SLC41A3: variants seen among roughly 807,000 people sequenced by gnomAD.
The protein encoded by SLC41A3 is solute carrier family 41 member 3.
A neutral mutation model predicts 45.4 loss-of-function variants in SLC41A3; 44 were observed. The observed-to-expected ratio is 0.97, with a 90% confidence interval of 0.76 to 1.25. SLC41A3 has a LOEUF of 1.25. SLC41A3 is among the 50% of genes most tolerant of loss of function. The pLI is 0.00. For synonymous variants in SLC41A3, 256 were observed against 252.4 expected, an observed-to-expected ratio of 1.01 and a Z score of -0.13; for missense variants, 550 against 600.6, an observed-to-expected ratio of 0.92 and a Z score of 0.88.
intron 1 of SLC41A3, among the ~76,000 whole-genome samples, chr3:126,076,682 C>T (rs757493125): frequency 4.6e-5 from 7 of 152,208 alleles, no homozygotes; most frequent in Non-Finnish European, 1.0e-4. Flanking sequence ...CTGATAACAA[C>T]TCATTCCTCC....
intron 9 of SLC41A3, 129 bp downstream of exon 9, chr3:126,012,486 A>T (rs1939816963): frequency 8.2e-7 from 1 of 1,226,922 alleles, no homozygotes; most frequent in African/African-American, 1.5e-5. Context: ...TGGGGCCCTG[A>T]AGGTGATGTG....
chr3:126,097,052 C>A (rs74803406), intron 1 of SLC41A3, among the ~76,000 whole-genome samples: 53 of 152,332 alleles, frequency 3.5e-4, no homozygotes, highest in African/African-American at 1.2e-3. Flanking sequence ...GAGACCCGAG[C>A]AAGCACGTGA....
intron 2 of SLC41A3, among the ~76,000 whole-genome samples, chr3:126,060,814 T>C (rs1031792530): frequency 2.0e-5 from 3 of 152,140 alleles, no homozygotes; most frequent in African/African-American, 7.2e-5. Context: ...GGTCCAGCGG[T>C]TTCTGTGTGA....
chr3:126,007,323 G>T lies in SLC41A3; in HGVS notation c.1255-98C>A. ...AGGCTCAAGGAGAGATACCAAGGTG[G>T]ACAGGTCAACCCCAGCCAGCCTCCT... On this transcript the variant is annotated intron_variant, in intron 10 of 10. Transcript: ENST00000360370. The T allele has an allele frequency of 2.2e-6, 3 of 1,348,992 alleles. No individual in the cohort carries two copies. In the Admixed American group the frequency reaches 6.1e-5, roughly 28 times the overall value. 83.6% of individuals were successfully genotyped at this position (1,348,992 alleles called of 1,614,324 possible). A position where few individuals can be genotyped will look rare whatever the true frequency, so the allele number is the denominator to read the frequency against.
At chr3:126,066,621 A>G (rs755149108) in intron 2 of SLC41A3, among the ~76,000 whole-genome samples, 33 of 152,224 alleles carry the variant, frequency 2.2e-4, no homozygotes, top group African/African-American at 3.1e-4. Flanking sequence ...TCCTACCACT[A>G]TGCGGGAGTT....
At chr3:126,012,830 C>A in intron 8 of SLC41A3, 81 bp from the exon 9 acceptor site, 1 of 1,568,216 alleles carries the variant, frequency 6.4e-7, no homozygotes, top group South Asian at 1.2e-5. Context: ...TTCCCTTCCT[C>A]CAGGAAGTCT....
At chr3:126,056,552 T>C in intron 2 of SLC41A3, 1 of 1,613,292 alleles carries the variant, frequency 6.2e-7, no homozygotes, top group Non-Finnish European at 8.5e-7. Context: ...GTGACCACCA[T>C]GGCCAGGCAA....
chr3:126,060,022 G>A (rs1007249267), intron 2 of SLC41A3, among the ~76,000 whole-genome samples: 1 of 152,204 alleles, frequency 6.6e-6, no homozygotes, highest in Non-Finnish European at 1.5e-5. Context: ...ATCAGCACAG[G>A]AGACGCAGAA....
chr3:126,097,810 C>T (rs1159525928), intron 1 of SLC41A3, among the ~76,000 whole-genome samples: 1 of 152,190 alleles, frequency 6.6e-6, no homozygotes, highest in South Asian at 2.1e-4. Context: ...AGGAGGCAAC[C>T]AAGCATTGCA....
At chr3:126,071,424 AG>A (rs1202171323) in intron 1 of SLC41A3, among the ~76,000 whole-genome samples, 3 of 152,326 alleles carry the variant, frequency 2.0e-5, no homozygotes, top group African/African-American at 7.2e-5. Flanking sequence ...GCAGAACTGA[AG>A]GAAGAAAAAG....
chr3:126,059,748 G>A (rs534086917), intron 2 of SLC41A3, among the ~76,000 whole-genome samples: 2 of 152,302 alleles, frequency 1.3e-5, no homozygotes, highest in East Asian at 3.9e-4. Context: ...GATTCTGAGA[G>A]AAGTGTTGCA....
chr3:126,042,241 A>T (rs1451644617), intron 3 of SLC41A3, among the ~76,000 whole-genome samples: 1 of 152,148 alleles, frequency 6.6e-6, no homozygotes, highest in Non-Finnish European at 1.5e-5. Context: ...GGAACACAAT[A>T]GAATGTCAAG....
intron 1 of SLC41A3, among the ~76,000 whole-genome samples, chr3:126,074,431 C>T (rs914910745): frequency 3.3e-5 from 5 of 151,938 alleles, no homozygotes; most frequent in Admixed American, 3.3e-4. Context: ...ACCTGAGGTT[C>T]TAGCCAGCAC....
At chr3:126,066,909 T>G (rs990309987) in intron 2 of SLC41A3, among the ~76,000 whole-genome samples, 1 of 152,184 alleles carries the variant, frequency 6.6e-6, no homozygotes, top group Non-Finnish European at 1.5e-5. Flanking sequence ...CCCACAGGTG[T>G]GTTGACTCAA....
Position 126,026,244 on chromosome 3 carries a change from A to T in SLC41A3, c.598+91T>A. On this transcript the variant is annotated intron_variant, in intron 5 of 10. Coordinates refer to ENST00000360370, the MANE Select transcript of SLC41A3 (RefSeq NM_017836.4). This position sits in a 1 kb window ranked among gnomAD's most constrained non-coding sequence, Gnocchi z 4.2. Reference sequence around the variant, plus strand: ...CAGTCCCATTAGCAGTGGGACTCACACCCCCAGAAACTGAAAACACAATGA... The same window carrying T: ...CAGTCCCATTAGCAGTGGGACTCACTCCCCCAGAAACTGAAAACACAATGA... The T allele has an allele frequency of 6.7e-7, 1 of 1,502,306 alleles. No individual in the cohort carries two copies. The highest frequency in any genetic ancestry group is 8.9e-7 in the Non-Finnish European group (1 of 1,119,132). The allele number at this position is 1,502,306 out of a possible 1,614,324, so 93.1% of individuals were successfully genotyped here.
chr3:126,022,691 T>C, intron 6 of SLC41A3, 95 bp downstream of exon 6: 1 of 1,469,258 alleles, frequency 6.8e-7, no homozygotes, highest in South Asian at 1.3e-5. Context: ...GCACATGGGC[T>C]GGGTGCAAAA....
At chr3:126,048,818 TA>T (rs1943134288) in intron 3 of SLC41A3, among the ~76,000 whole-genome samples, 1 of 152,122 alleles carries the variant, frequency 6.6e-6, no homozygotes, top group African/African-American at 2.4e-5. Flanking sequence ...GTGTCTCAAC[TA>T]GGGTCACAGC....
intron 4 of SLC41A3, 91 bp downstream of exon 4, chr3:126,033,516 G>A: frequency 7.1e-7 from 1 of 1,403,454 alleles, no homozygotes. Flanking sequence ...CCAGAGTGCA[G>A]GGACAAGAGC....
rs185115934 is a variant in SLC41A3 at position 126,079,663 on chromosome 3, G to A, written c.-28+4430C>T. The stretch of plus-strand genomic sequence containing the variant: ...AATGAAAATGACAATTTTACCCAAC[G>A]CAATTTACAGATTCAATGCAATCAC... On this transcript the variant is annotated intron_variant, in intron 1 of 10. Coordinates refer to ENST00000360370, the MANE Select transcript of SLC41A3 (RefSeq NM_017836.4). Among the ~76,000 whole-genome samples the A allele has an allele frequency of 2.7e-3, 411 of 152,266 alleles. 1 individual carries two copies. Among genetic ancestry groups the A allele is most frequent in the Non-Finnish European group, 4.6e-3 (315 of 68,018 alleles).
Sources: allele counts gnomAD v4.1 joint callset (sites outside exome capture counted in the v4.1 genomes callset), GRCh38; gene constraint gnomAD v4.1.1; non-coding constraint Gnocchi (gnomAD v3.1); transcripts MANE v1.5; gene names NCBI Gene and HGNC (gene_info 2026-07-23, HGNC 2026-07-21).